ZHX2: variants seen among roughly 807,000 people sequenced by gnomAD.
The protein encoded by ZHX2 is zinc fingers and homeoboxes 2, also known as zinc fingers and homeoboxes protein 2.
ZHX2 carries 6 observed loss-of-function variants against 21.9 expected under a neutral mutation model. That is an observed-to-expected ratio of 0.27 (90% CI 0.15 to 0.54). The LOEUF is 0.54. Ranked by LOEUF, ZHX2 falls within the 20% of genes least tolerant of loss-of-function variation. The pLI, the probability that ZHX2 is intolerant of heterozygous loss-of-function variation, is 0.95. For synonymous variants in ZHX2, 434 were observed against 437.1 expected (o/e 0.99, Z 0.09); for missense variants, 908 against 1,090.7 (o/e 0.83, Z 2.36).
At chr8:122,907,715 A>T (rs1193629292) in intron 2 of ZHX2, among the ~76,000 whole-genome samples, 1 of 152,188 alleles carries the variant, frequency 6.6e-6, no homozygotes, top group African/African-American at 2.4e-5. Flanking sequence ...AGGTCAGAGG[A>T]TGTTTTCCCA....
chr8:122,813,400 C>T lies in ZHX2; in HGVS notation c.-283+31454C>T, dbSNP rs149233325. Among the ~76,000 whole-genome samples, 246 of 152,176 alleles carry T rather than the reference C, an allele frequency of 1.6e-3. 1 individual carries two copies. The highest frequency in any genetic ancestry group is 2.8e-3 in the Non-Finnish European group (190 of 67,996). On this transcript the variant is annotated intron_variant, in intron 1 of 3. Transcript: ENST00000314393. ...GTTTCCTATGTTGTGACCTGAAAGA[C>T]GCACCTCCCTTATAGCTTCCCATCA... is the stretch of plus-strand genomic sequence containing the variant.
chr8:122,950,349 C>T (rs1242553192), intron 2 of ZHX2, among the ~76,000 whole-genome samples: 1 of 152,096 alleles, frequency 6.6e-6, no homozygotes, highest in African/African-American at 2.4e-5. Context: ...CACATGTTCT[C>T]ACTCATAAGT....
At chr8:122,928,172 AC>A (rs1249150447) in intron 2 of ZHX2, among the ~76,000 whole-genome samples, 1 of 152,034 alleles carries the variant, frequency 6.6e-6, no homozygotes, top group East Asian at 1.9e-4. Flanking sequence ...CCCCACTCCC[AC>A]CAGGACAGAA....
At chr8:122,832,957 G>A (rs547037660) in intron 1 of ZHX2, among the ~76,000 whole-genome samples, 1 of 152,232 alleles carries the variant, frequency 6.6e-6, no homozygotes, top group East Asian at 1.9e-4. Context: ...AGAGTGGACG[G>A]TTTTAGGGAT....
At position 122,955,839 on chromosome 8, in the gene ZHX2, A is replaced by ATTTTTTTTTTTTTTT. The variant is rs540333833; in HGVS notation, c.*4+1820_*4+1834dup. 1.7e-3 allele frequency among the ~76,000 whole-genome samples: 180 copies of ATTTTTTTTTTTTTTT among 104,890 alleles called. 5 individuals carry two copies. Among genetic ancestry groups the ATTTTTTTTTTTTTTT allele is most frequent in the East Asian group, 9.3e-3 (30 of 3,218 alleles). 68.8% of individuals were successfully genotyped at this position (104,890 alleles called of 152,430 possible). The stretch of plus-strand genomic sequence containing the variant: ...CCTCCCTCATTAAAATGAGGGAGTG[A>ATTTTTTTTTTTTTTT]TTTTTTTTTTTTTTTTTTTTTTTGA... On this transcript the variant is annotated intron_variant, in intron 3 of 3. Transcript: ENST00000314393.
intron 1 of ZHX2, among the ~76,000 whole-genome samples, chr8:122,839,721 G>C (rs966548794): frequency 1.3e-5 from 2 of 151,572 alleles, no homozygotes; most frequent in Non-Finnish European, 2.9e-5. Flanking sequence ...ATGGGATCGT[G>C]GGGGGTTTGG....
intron 2 of ZHX2, among the ~76,000 whole-genome samples, chr8:122,907,214 C>G (rs1820370312): frequency 6.6e-6 from 1 of 152,124 alleles, no homozygotes; most frequent in Non-Finnish European, 1.5e-5. Context: ...TCAGGAAGTC[C>G]TGATGACATG....
intron 1 of ZHX2, among the ~76,000 whole-genome samples, chr8:122,785,810 T>G (rs1817383513): frequency 6.6e-6 from 1 of 152,068 alleles, no homozygotes; most frequent in South Asian, 2.1e-4. Flanking sequence ...GGGAAGGCTG[T>G]GCAAAGAGAT....
intron 2 of ZHX2, among the ~76,000 whole-genome samples, chr8:122,945,224 G>A (rs1054728177): frequency 2.0e-5 from 3 of 152,054 alleles, no homozygotes; most frequent in African/African-American, 7.2e-5. Context: ...GTCTTCATCT[G>A]TGCACCCCCA....
intron 2 of ZHX2, among the ~76,000 whole-genome samples, chr8:122,875,129 TTATATATATATATATATATATATA>T (rs71310631): frequency 0.037 from 375 of 10,120 alleles, 2 homozygotes; most frequent in Middle Eastern, 0.12. Context: ...GAAAACTCTG[TTATATATATATATATATATATATA>T]TATATATATA....
intron 1 of ZHX2, among the ~76,000 whole-genome samples, chr8:122,817,246 C>T (rs548728487): frequency 2.0e-5 from 3 of 152,350 alleles, no homozygotes; most frequent in Non-Finnish European, 2.9e-5. Flanking sequence ...ACAATGCCCG[C>T]GTGCTTTCCA....
chr8:122,845,551 T>C (rs745885625), intron 1 of ZHX2, among the ~76,000 whole-genome samples: 8 of 152,224 alleles, frequency 5.3e-5, no homozygotes, highest in Non-Finnish European at 7.3e-5. Flanking sequence ...TATCCTTATA[T>C]CTGAAAAGCA....
chr8:122,885,308 A>T (rs11984898), intron 2 of ZHX2, among the ~76,000 whole-genome samples: 3,487 of 152,254 alleles, frequency 0.023, 91 homozygotes, highest in African/African-American at 0.067. Context: ...ACTCATCAAG[A>T]TGTTGCATTT....
In ZHX2 at chr8:122,947,164, G is replaced by A. The variant is rs142743405; in HGVS notation, c.-219-4128G>A. Among the ~76,000 whole-genome samples, 824 of 151,870 alleles carry A rather than the reference G, an allele frequency of 5.4e-3. 4 individuals are homozygous for A. The highest frequency in any genetic ancestry group is 0.011 in the Admixed American group (166 of 15,214). On this transcript the variant is annotated intron_variant, in intron 2 of 3. Coordinates refer to ENST00000314393, the MANE Select transcript of ZHX2 (RefSeq NM_014943.5). Reference sequence around the variant, plus strand: ...GCGTGTGGTCCCAACTTCTTGGGAGGCTAAGGCAGGAAAATTGCTTGAACT... The same window carrying A: ...GCGTGTGGTCCCAACTTCTTGGGAGACTAAGGCAGGAAAATTGCTTGAACT...
intron 1 of ZHX2, among the ~76,000 whole-genome samples, chr8:122,839,735 T>C (rs1818584298): frequency 6.6e-6 from 1 of 152,186 alleles, no homozygotes; most frequent in Non-Finnish European, 1.5e-5. Flanking sequence ...GGTTTGGTTT[T>C]GTTTTTGCTT....
At chr8:122,879,593 G>A (rs1819655587) in intron 2 of ZHX2, among the ~76,000 whole-genome samples, 1 of 151,748 alleles carries the variant, frequency 6.6e-6, no homozygotes, top group South Asian at 2.1e-4. Context: ...CCACAACAAG[G>A]ACTAGCATTA....
intron 2 of ZHX2, among the ~76,000 whole-genome samples, chr8:122,950,084 G>A (rs1349802242): frequency 6.6e-6 from 1 of 152,146 alleles, no homozygotes; most frequent in Non-Finnish European, 1.5e-5. Context: ...GAAAAGGCCA[G>A]TTGAGGCCAA....
intron 1 of ZHX2, among the ~76,000 whole-genome samples, chr8:122,804,579 G>GA (rs1262610260): frequency 2.7e-4 from 41 of 152,318 alleles, no homozygotes; most frequent in African/African-American, 9.6e-4. Context: ...CCCATGTAGT[G>GA]AAAGAATTGC....
At chr8:122,838,746 T>G (rs1161924468) in intron 1 of ZHX2, among the ~76,000 whole-genome samples, 1 of 151,788 alleles carries the variant, frequency 6.6e-6, no homozygotes, top group African/African-American at 2.4e-5. Flanking sequence ...CCCAGCTAAT[T>G]TTTGTATTTT....
Sources: allele counts gnomAD v4.1 joint callset (sites outside exome capture counted in the v4.1 genomes callset), GRCh38; gene constraint gnomAD v4.1.1; transcripts MANE v1.5; gene names NCBI Gene and HGNC (gene_info 2026-07-23, HGNC 2026-07-21).